The following CCDC57 variants were observed in gnomAD, a reference collection of about 807,000 sequenced individuals.
CCDC57 encodes the protein coiled-coil domain containing 57.
A neutral mutation model predicts 118.9 loss-of-function variants in CCDC57; 118 were observed. The observed-to-expected ratio is 0.99, with a 90% CI of 0.86 to 1.16. The LOEUF (loss-of-function observed/expected upper bound fraction) is 1.16, where lower values mean the gene tolerates loss of function less well. CCDC57 is among the 50% of genes most tolerant of loss of function. CCDC57 has a pLI of 0.00. For missense variants in CCDC57, 1,300 were observed against 1,320.7 expected, an observed-to-expected ratio of 0.98 and a Z score of 0.24; for synonymous variants, 527 against 532.9, an observed-to-expected ratio of 0.99 and a Z score of 0.15.
chr17:82,184,015 ATGCGCG>A (rs769641451), intron 8 of CCDC57, 83 bp from the exon 8 acceptor site: 1 of 525,052 alleles, frequency 1.9e-6, no homozygotes, highest in African/African-American at 3.1e-5. Context: ...GCAAATACAC[ATGCGCG>A]CGCGCGCGCG....
chr17:82,147,771 C>G (rs56974641), intron 16 of CCDC57, among the ~76,000 whole-genome samples: 104,205 of 104,282 alleles, frequency 1, 52,066 homozygotes, highest in Middle Eastern at 1. Context: ...TGGGTTGGTG[C>G]GTAGATGGAT....
intron 19 of CCDC57, chr17:82,108,824 A>AAAGG: frequency 1.3e-5 from 2 of 152,356 alleles, no homozygotes; most frequent in South Asian, 4.2e-4. Context: ...CGTCTCCAGG[A>AAAGG]AAGGAAGGAG....
intron 16 of CCDC57, among the ~76,000 whole-genome samples, chr17:82,136,666 C>T (rs1394169180): frequency 8.0e-5 from 12 of 150,354 alleles, no homozygotes; most frequent in African/African-American, 2.0e-4. Context: ...GGTGCAATCG[C>T]GGCTCACTGC....
At chr17:82,154,303 A>C (rs963871756) in intron 15 of CCDC57, 1 of 152,360 alleles carries the variant, frequency 6.6e-6, no homozygotes, top group Admixed American at 6.5e-5. Context: ...ACCTGGTCCC[A>C]GCTTTGCAGA....
chr17:82,148,765 T>G (rs2041354202), intron 16 of CCDC57, among the ~76,000 whole-genome samples: 1 of 58,492 alleles, frequency 1.7e-5, no homozygotes, highest in Non-Finnish European at 3.0e-5. Flanking sequence ...GGTGGATGGA[T>G]GGATGGAAAG....
chr17:82,138,242 G>A (rs1386882530), intron 16 of CCDC57, among the ~76,000 whole-genome samples: 4 of 148,474 alleles, frequency 2.7e-5, no homozygotes, highest in South Asian at 2.2e-4. Flanking sequence ...TCCGCCTCCC[G>A]GGTTCACGCC....
At chr17:82,122,162 C>T (rs1356035592) in intron 19 of CCDC57, among the ~76,000 whole-genome samples, 2 of 152,242 alleles carry the variant, frequency 1.3e-5, no homozygotes, top group Non-Finnish European at 2.9e-5. Flanking sequence ...TACACCGCTC[C>T]TTCCTCCTTC....
intron 14 of CCDC57, among the ~76,000 whole-genome samples, chr17:82,158,373 G>A (rs1427068961): frequency 6.6e-6 from 1 of 152,150 alleles, no homozygotes; most frequent in African/African-American, 2.4e-5. Context: ...CCAGGAAGTC[G>A]GAGGGCTGAG....
rs575292367 is a variant in CCDC57, at chr17:82,128,614, A to C, written c.2578-17T>G. On this transcript the variant is annotated splice_polypyrimidine_tract_variant and intron_variant, in intron 17 of 19. Transcript: ENST00000665763. ...CTTGGCGTCCTGCCGTGGGGATTTA[A>C]ATGAGAGGACTCTGGTATTCACATG... 6.5e-7 allele frequency: 1 copy of C among 1,546,358 alleles called. No individual in the cohort carries two copies. The highest frequency in any genetic ancestry group is 2.0e-5 in the Admixed American group (1 of 51,280).
At chr17:82,188,470 G>A in intron 7 of CCDC57, 51 bp from the exon 7 acceptor site, 2 of 1,552,498 alleles carry the variant, frequency 1.3e-6, no homozygotes, top group South Asian at 1.2e-5. Flanking sequence ...CAACACCCAG[G>A]CCCCAGACCC....
chr17:82,106,959 T>C (rs2034891053), intron 19 of CCDC57, among the ~76,000 whole-genome samples: 1 of 152,198 alleles, frequency 6.6e-6, no homozygotes, highest in Non-Finnish European at 1.5e-5. Context: ...GTCACCGCCA[T>C]GTCCCCGGGG....
intron 9 of CCDC57, among the ~76,000 whole-genome samples, chr17:82,180,911 G>A (rs1388026519): frequency 2.0e-5 from 3 of 152,350 alleles, no homozygotes; most frequent in African/African-American, 7.2e-5. Flanking sequence ...GGCTTTCACA[G>A]AGCGAACGAT....
At position 82,188,525 on chromosome 17, in the gene CCDC57, G is replaced by C. The variant is rs548614974; in HGVS notation, c.852-106C>G. ...CCCTGTCTCGTGCACAGGTGCTGCT[G>C]TATGTCTGCCTCAAGGCTTCGCAGC... On this transcript the variant is annotated intron_variant, in intron 7 of 19. Transcript: ENST00000665763. 55 of 1,173,044 alleles carry C rather than the reference G, an allele frequency of 4.7e-5. No individual in the cohort carries two copies. In the African/African-American group the frequency reaches 5.1e-4, roughly 11 times the overall value. The allele number at this position is 1,173,044 out of a possible 1,614,324, so 72.7% of individuals were successfully genotyped here. A position where few individuals can be genotyped will look rare whatever the true frequency, so the allele number is the denominator to read the frequency against.
chr17:82,103,714 G>T (rs561869276), intron 19 of CCDC57, among the ~76,000 whole-genome samples: 50 of 152,310 alleles, frequency 3.3e-4, no homozygotes, highest in South Asian at 2.1e-3. Flanking sequence ...GCTGAGGGAG[G>T]GGGGTGAAGG....
intron 2 of CCDC57, among the ~76,000 whole-genome samples, chr17:82,205,462 A>C (rs1280193737): frequency 6.6e-6 from 1 of 152,190 alleles, no homozygotes; most frequent in African/African-American, 2.4e-5. Flanking sequence ...TCTCCTTGGC[A>C]CAGCGTATGA....
intron 19 of CCDC57, among the ~76,000 whole-genome samples, chr17:82,125,460 C>T (rs1051203071): frequency 6.6e-6 from 1 of 151,964 alleles, no homozygotes; most frequent in South Asian, 2.1e-4. Flanking sequence ...CCTACAACCT[C>T]CACCTCCCAG....
chr17:82,164,842 T>C (rs1361819436), intron 13 of CCDC57, among the ~76,000 whole-genome samples: 1 of 152,214 alleles, frequency 6.6e-6, no homozygotes, highest in African/African-American at 2.4e-5. Flanking sequence ...CTACCAATTA[T>C]TTAAGAAAAA....
intron 7 of CCDC57, among the ~76,000 whole-genome samples, chr17:82,190,121 C>T (rs1028921932): frequency 1.2e-5 from 1 of 84,452 alleles, no homozygotes; most frequent in Non-Finnish European, 2.5e-5. Context: ...TTCTTCATAT[C>T]CCAGCATAGA....
intron 16 of CCDC57, among the ~76,000 whole-genome samples, chr17:82,146,506 A>G (rs1197221176): frequency 6.6e-6 from 1 of 152,112 alleles, no homozygotes. Flanking sequence ...CAGTCTCCCA[A>G]GTAGCTGGAA....
Sources: allele counts gnomAD v4.1 joint callset (sites outside exome capture counted in the v4.1 genomes callset), GRCh38; gene constraint gnomAD v4.1.1; transcripts MANE v1.5; gene names NCBI Gene and HGNC (gene_info 2026-07-23, HGNC 2026-07-21).